The following SMYD3 variants were observed in gnomAD, a reference collection of about 807,000 sequenced individuals.
SMYD3 encodes histone-lysine N-methyltransferase SMYD3.
A neutral mutation model predicts 57.7 loss-of-function variants in SMYD3; 36 were observed. The observed-to-expected ratio is 0.62, with a 90% CI of 0.48 to 0.82. The LOEUF (loss-of-function observed/expected upper bound fraction) is 0.82, where lower values mean the gene tolerates loss of function less well. SMYD3 is among the 40% of genes least tolerant of loss of function. The probability of loss-of-function intolerance (pLI) is 0.00; values close to 1 mark genes in which losing one functional copy is unlikely to be tolerated. For synonymous variants in SMYD3, 211 were observed against 195.0 expected, an observed-to-expected ratio of 1.08 and a Z score of -0.68; for missense variants, 515 against 538.8, an observed-to-expected ratio of 0.96 and a Z score of 0.44.
intron 8 of SMYD3, among the ~76,000 whole-genome samples, chr1:245,898,059 G>GT (rs1431992802): frequency 2.0e-5 from 3 of 152,178 alleles, no homozygotes; most frequent in African/African-American, 7.2e-5. Flanking sequence ...GGGCTACTGT[G>GT]AATTTTGAAA....
chr1:245,850,880 C>T (rs910069070), intron 10 of SMYD3, among the ~76,000 whole-genome samples: 16 of 152,260 alleles, frequency 1.1e-4, no homozygotes, highest in South Asian at 4.1e-4. Context: ...TCCAGCTTTA[C>T]GCCAGTCACT....
chr1:246,312,468 G>A (rs1246700520), intron 5 of SMYD3, among the ~76,000 whole-genome samples: 2 of 152,106 alleles, frequency 1.3e-5, no homozygotes, highest in Non-Finnish European at 2.9e-5. Flanking sequence ...TTTAAAAGCA[G>A]CATAAGCAGG....
intron 1 of SMYD3, 143 bp downstream of exon 1, chr1:246,506,911 C>G: frequency 1.3e-6 from 1 of 755,612 alleles, no homozygotes; most frequent in Non-Finnish European, 1.9e-6. Context: ...CCCGGGCACA[C>G]GCGCGTCAGG....
chr1:246,165,696 AT>A, intron 5 of SMYD3, among the ~76,000 whole-genome samples: 1 of 152,180 alleles, frequency 6.6e-6, no homozygotes, highest in East Asian at 1.9e-4. Flanking sequence ...TTAGATGCAA[AT>A]GGTAAAAGTG....
At chr1:246,449,698 G>A (rs2067602516) in intron 1 of SMYD3, among the ~76,000 whole-genome samples, 1 of 152,014 alleles carries the variant, frequency 6.6e-6, no homozygotes, top group Admixed American at 6.6e-5. Context: ...CACTGCTTAG[G>A]GCTGCCCTAA....
Position 246,346,780 on chromosome 1 carries a change from A to G in SMYD3, c.228+8251T>C, listed in dbSNP as rs143282755. Among the ~76,000 whole-genome samples, 1,050 of 152,346 alleles carry G rather than the reference A, an allele frequency of 6.9e-3. 13 individuals carry two copies. The highest frequency in any genetic ancestry group is 0.024 in the African/African-American group (989 of 41,578). ...AGGAGATCTGGGTGGGGACACAACC[A>G]AACTATGTCACATACTAAAAGGCAA... On this transcript the variant is annotated intron_variant, in intron 2 of 11. Coordinates refer to ENST00000490107, the MANE Select transcript of SMYD3 (RefSeq NM_001167740.2).
intron 5 of SMYD3, among the ~76,000 whole-genome samples, chr1:246,161,200 T>C (rs574627327): frequency 2.0e-5 from 3 of 152,314 alleles, no homozygotes; most frequent in African/African-American, 7.2e-5. Flanking sequence ...CTCACCTGCA[T>C]GCCGCCAAGC....
intron 5 of SMYD3, among the ~76,000 whole-genome samples, chr1:246,038,934 T>C (rs893459086): frequency 6.6e-6 from 1 of 152,046 alleles, no homozygotes; most frequent in African/African-American, 2.4e-5. Context: ...TTGCATAAAA[T>C]AGGCAAGACT....
chr1:245,872,288 A>G (rs1337128125), intron 8 of SMYD3, among the ~76,000 whole-genome samples: 1 of 152,198 alleles, frequency 6.6e-6, no homozygotes, highest in African/African-American at 2.4e-5. Context: ...AGGATGTAGC[A>G]GGGCTCTGAA....
At chr1:245,957,840 C>G (rs987243042) in intron 5 of SMYD3, among the ~76,000 whole-genome samples, 1 of 152,110 alleles carries the variant, frequency 6.6e-6, no homozygotes, top group Non-Finnish European at 1.5e-5. Context: ...TTTTCTCTAT[C>G]AAGCCATAAA....
chr1:245,954,775 C>T (rs532923018), intron 5 of SMYD3, among the ~76,000 whole-genome samples: 23 of 152,324 alleles, frequency 1.5e-4, no homozygotes, highest in South Asian at 4.1e-4. Context: ...CCTTTCTTCC[C>T]GTTTCCACTG....
At chr1:246,262,795 C>T (rs2064036011) in intron 5 of SMYD3, among the ~76,000 whole-genome samples, 1 of 152,070 alleles carries the variant, frequency 6.6e-6, no homozygotes, top group Non-Finnish European at 1.5e-5. Context: ...TTTATATTAT[C>T]TTAAAACATC....
intron 5 of SMYD3, among the ~76,000 whole-genome samples, chr1:246,225,013 G>A (rs1220881187): frequency 6.6e-6 from 1 of 151,808 alleles, no homozygotes; most frequent in African/African-American, 2.4e-5. Context: ...CATACGAACG[G>A]GAGCTCAGTA....
chr1:246,368,145 T>C (rs554191309), intron 1 of SMYD3, among the ~76,000 whole-genome samples: 4 of 152,302 alleles, frequency 2.6e-5, no homozygotes, highest in Admixed American at 1.3e-4. Context: ...TTCTTCAGTC[T>C]TCCAGTATAC....
intron 5 of SMYD3, among the ~76,000 whole-genome samples, chr1:246,316,881 G>C (rs1237136921): frequency 6.6e-6 from 1 of 151,122 alleles, no homozygotes; most frequent in Non-Finnish European, 1.5e-5. Context: ...TGTAGTCCCA[G>C]ATACTCGGGA....
intron 1 of SMYD3, among the ~76,000 whole-genome samples, chr1:246,360,634 A>C (rs2065973345): frequency 6.6e-6 from 1 of 152,170 alleles, no homozygotes; most frequent in Non-Finnish European, 1.5e-5. Flanking sequence ...GACAACCCAG[A>C]AACAAACCCA....
chr1:246,435,739 T>C (rs2067361635), intron 1 of SMYD3, among the ~76,000 whole-genome samples: 1 of 151,912 alleles, frequency 6.6e-6, no homozygotes, highest in Non-Finnish European at 1.5e-5. Flanking sequence ...ATTCCAAGAA[T>C]TCCAAGGAGA....
intron 5 of SMYD3, among the ~76,000 whole-genome samples, chr1:246,106,592 C>T (rs11799905): frequency 0.077 from 11,699 of 152,212 alleles, 826 homozygotes; most frequent in East Asian, 0.37. Context: ...ATGAGAAGTC[C>T]TAATATACCG....
At chr1:245,941,245 A>G (rs1402363410) in intron 5 of SMYD3, among the ~76,000 whole-genome samples, 5 of 152,232 alleles carry the variant, frequency 3.3e-5, no homozygotes, top group Non-Finnish European at 7.3e-5. Flanking sequence ...AACATAACTC[A>G]AGGTATCATC....
Sources: allele counts gnomAD v4.1 joint callset (sites outside exome capture counted in the v4.1 genomes callset), GRCh38; gene constraint gnomAD v4.1.1; transcripts MANE v1.5; gene names NCBI Gene and HGNC (gene_info 2026-07-23, HGNC 2026-07-21).